The following MCOLN3 variants were observed in gnomAD, a reference collection of about 807,000 sequenced individuals.
The protein encoded by MCOLN3 is mucolipin-3.
In MCOLN3, 62 loss-of-function variants were observed where a neutral mutation model predicts 69.4. The observed-to-expected ratio is 0.89, with a 90% CI of 0.73 to 1.10. The LOEUF (loss-of-function observed/expected upper bound fraction) is 1.10. Ranked by LOEUF, MCOLN3 falls within the 50% of genes least tolerant of loss-of-function variation. MCOLN3 has a pLI of 0.00. For synonymous variants in MCOLN3, 183 were observed against 217.0 expected, an observed-to-expected ratio of 0.84 and a Z score of 1.38; for missense variants, 564 against 656.4, an observed-to-expected ratio of 0.86 and a Z score of 1.54.
chr1:85,045,644 T>C (rs1183644298), intron 1 of MCOLN3, among the ~76,000 whole-genome samples: 1 of 152,198 alleles, frequency 6.6e-6, no homozygotes, highest in African/African-American at 2.4e-5. Flanking sequence ...TACATATATA[T>C]AGGATGTATA....
chr1:85,029,605 A>G (rs1276131284), intron 6 of MCOLN3: 1 of 156,640 alleles, frequency 6.4e-6, no homozygotes, highest in Non-Finnish European at 1.4e-5. Context: ...TAGTGCTGCT[A>G]TAATTCTTAC....
At chr1:85,029,378 T>C (rs983620667) in intron 6 of MCOLN3, 173 bp from the exon 7 acceptor site, 11 of 570,346 alleles carry the variant, frequency 1.9e-5, no homozygotes, top group Non-Finnish European at 3.1e-5. Flanking sequence ...CTCTGTGAAA[T>C]GAGAACGATG....
intron 9 of MCOLN3, chr1:85,024,440 T>G (rs138414807): frequency 6.6e-6 from 1 of 152,286 alleles, no homozygotes; most frequent in Non-Finnish European, 1.5e-5. Context: ...GGGTTGGCCC[T>G]GAATAGTGGC....
Position 85,022,280 on chromosome 1 carries a change from G to A in MCOLN3, c.1197+19C>T, listed in dbSNP as rs925435741. On this transcript the variant is annotated intron_variant, in intron 10 of 12. Transcript: ENST00000370589. ...TTGAGAGAAATACCAACAGCATGGAGATCCGTGGAATTCCTTACGTTGTAC... is the reference window on the plus strand; with the variant it reads ...TTGAGAGAAATACCAACAGCATGGAAATCCGTGGAATTCCTTACGTTGTAC... 4.3e-6 allele frequency: 7 copies of A among 1,613,336 alleles called. No individual in the cohort carries two copies. The Admixed American group carries it at 6.7e-5, about 15-fold the overall frequency.
chr1:85,047,609 G>C (rs1332337563), intron 1 of MCOLN3: 1 of 152,306 alleles, frequency 6.6e-6, no homozygotes, highest in Admixed American at 6.5e-5. Flanking sequence ...ATTGGAGTAA[G>C]CTGTAGAAAA....
chr1:85,019,449 T>G (rs1651816120), intron 12 of MCOLN3, among the ~76,000 whole-genome samples, 192 bp from the exon 13 acceptor site: 1 of 152,134 alleles, frequency 6.6e-6, no homozygotes, highest in South Asian at 2.1e-4. Flanking sequence ...GGGCCTGGGA[T>G]TCTGCAGCTG....
intron 3 of MCOLN3, 94 bp downstream of exon 3, chr1:85,040,916 T>C: frequency 1.7e-6 from 2 of 1,204,586 alleles, no homozygotes; most frequent in Non-Finnish European, 2.3e-6. Context: ...TGTTCACCCT[T>C]CTCCACTTGA....
intron 11 of MCOLN3, among the ~76,000 whole-genome samples, chr1:85,021,761 A>T (rs1341798792): frequency 6.6e-6 from 1 of 152,242 alleles, no homozygotes; most frequent in Non-Finnish European, 1.5e-5. Flanking sequence ...CATTTTGAGA[A>T]GGCTTATCTG....
chr1:85,043,752 C>CTGAGAA (rs1365435512), intron 2 of MCOLN3, among the ~76,000 whole-genome samples: 2 of 152,018 alleles, frequency 1.3e-5, no homozygotes, highest in Admixed American at 6.5e-5. Context: ...AAGTATTTGG[C>CTGAGAA]TGAGAACTGA....
chr1:85,035,798 T>C (rs983169746), intron 3 of MCOLN3, among the ~76,000 whole-genome samples: 1 of 152,184 alleles, frequency 6.6e-6, no homozygotes, highest in Non-Finnish European at 1.5e-5. Context: ...CTAGAACTCA[T>C]AGGATTGCTA....
At chr1:85,031,740 A>G (rs529440661) in intron 6 of MCOLN3, among the ~76,000 whole-genome samples, 27 of 152,302 alleles carry the variant, frequency 1.8e-4, no homozygotes, top group African/African-American at 6.5e-4. Context: ...AAATGTTTTT[A>G]TTATTATTTA....
In MCOLN3 at chr1:85,042,266, T is replaced by C. The variant is rs1031841658; in HGVS notation, c.229-1089A>G. Among the ~76,000 whole-genome samples, 3 of 152,196 alleles carry C rather than the reference T, an allele frequency of 2.0e-5. No homozygotes were observed. The South Asian group carries it at 6.2e-4, about 32-fold the overall frequency. ...TTGATACAGTGAAAACTGAAACCCA[T>C]GTCTGACACACTAAATCTAGGTTCT... On this transcript the variant is annotated intron_variant, in intron 2 of 12. Coordinates refer to ENST00000370589, the MANE Select transcript of MCOLN3 (RefSeq NM_018298.11).
At chr1:85,041,230 G>A (rs1018344139) in intron 2 of MCOLN3, 53 bp from the exon 3 acceptor site, 1 of 1,503,092 alleles carries the variant, frequency 6.7e-7, no homozygotes, top group African/African-American at 1.4e-5. Context: ...GGCAGAAAAA[G>A]CAGAGCAGAA....
At position 85,046,594 on chromosome 1, in the gene MCOLN3, C is replaced by G. The variant is rs918437911; in HGVS notation, c.-2-1232G>C. 2.6e-5 allele frequency among the ~76,000 whole-genome samples: 4 copies of G among 152,200 alleles called. 1 individual carries two copies. Among genetic ancestry groups the G allele is most frequent in the Admixed American group, 2.0e-4 (3 of 15,284 alleles). On this transcript the variant is annotated intron_variant, in intron 1 of 12. Transcript: ENST00000370589. The stretch of plus-strand genomic sequence containing the variant: ...AGGAAAATTGTAACCTGCATTCATA[C>G]AATATCTTACAAGTCACTGGTTAGA...
intron 6 of MCOLN3, among the ~76,000 whole-genome samples, chr1:85,030,981 A>G (rs1045379697): frequency 1.3e-5 from 2 of 152,152 alleles, no homozygotes; most frequent in Non-Finnish European, 2.9e-5. Context: ...AGGTATAGAG[A>G]TACAGTGAGG....
chr1:85,033,867 G>A (rs920052526), intron 4 of MCOLN3, among the ~76,000 whole-genome samples: 6 of 152,110 alleles, frequency 3.9e-5, no homozygotes, highest in Admixed American at 1.3e-4. Flanking sequence ...CCATAATTTA[G>A]TCTTCTATAA....
At chr1:85,041,271 G>T (rs1653050337) in intron 2 of MCOLN3, 94 bp from the exon 3 acceptor site, 1 of 989,624 alleles carries the variant, frequency 1.0e-6, no homozygotes, top group Non-Finnish European at 1.4e-6. Context: ...AAATAGAAGA[G>T]TTTAAAATGA....
intron 6 of MCOLN3, 27 bp from the exon 7 acceptor site, chr1:85,029,232 A>G (rs751179077): frequency 1.4e-6 from 2 of 1,412,004 alleles, no homozygotes; most frequent in Admixed American, 1.7e-5. Flanking sequence ...ACAGTCAAAA[A>G]CATACTTATA....
intron 6 of MCOLN3, among the ~76,000 whole-genome samples, chr1:85,032,209 G>T (rs1226090501): frequency 1.3e-5 from 2 of 152,146 alleles, no homozygotes; most frequent in Non-Finnish European, 2.9e-5. Context: ...TTGTCGTAAG[G>T]TTCTTACACT....
Sources: allele counts gnomAD v4.1 joint callset (sites outside exome capture counted in the v4.1 genomes callset), GRCh38; gene constraint gnomAD v4.1.1; transcripts MANE v1.5; gene names NCBI Gene and HGNC (gene_info 2026-07-23, HGNC 2026-07-21).